Variants in GABRA4 observed in about 807,000 individuals in gnomAD.
The protein encoded by GABRA4 is gamma-aminobutyric acid receptor subunit alpha-4.
Under a neutral mutation model 49.7 loss-of-function variants are expected in GABRA4, and 12 were observed. That is an observed-to-expected ratio of 0.24 (90% CI 0.15 to 0.39). GABRA4 has a LOEUF of 0.39. Among genes scored for constraint, GABRA4 ranks in the 10% least tolerant of loss-of-function variants. The pLI, the probability that GABRA4 is intolerant of heterozygous loss-of-function variation, is 1.00. For synonymous variants in GABRA4, 288 were observed against 240.2 expected (o/e 1.20, Z -1.84); for missense variants, 506 against 686.0 (o/e 0.74, Z 2.93).
chr4:46,956,800 C>T (rs1398172), intron 8 of GABRA4, among the ~76,000 whole-genome samples: 79,168 of 151,842 alleles, frequency 0.52, 20,956 homozygotes, highest in East Asian at 0.7. Context: ...AAAAGTACCA[C>T]ATTTCCTATT....
chr4:46,956,097 A>G (rs1236157568), intron 8 of GABRA4, among the ~76,000 whole-genome samples: 3 of 152,170 alleles, frequency 2.0e-5, no homozygotes, highest in African/African-American at 4.8e-5. Context: ...CACTTAAAAC[A>G]TACAATTTAG....
chr4:46,925,602 CAAA>C lies in GABRA4; in HGVS notation c.*2620_*2622del. ...AGAGGGAAAAGTGACTGGCTCTTTG[CAAA>C]AGTGTTTTTACTTGATGTACCTCTG... is the stretch of plus-strand genomic sequence containing the variant. On this transcript the variant is annotated 3_prime_UTR_variant, in exon 9 of 9. Transcript: ENST00000264318. 6.6e-6 allele frequency: 1 copy of C among 151,366 alleles called. No homozygotes were observed. The highest frequency in any genetic ancestry group is 1.9e-4 in the East Asian group (1 of 5,166). 9.4% of individuals were successfully genotyped at this position (151,366 alleles called of 1,614,324 possible).
chr4:46,959,046 A>G lies in GABRA4; in HGVS notation c.1134+5924T>C, dbSNP rs181603839. Among the ~76,000 whole-genome samples the G allele has an allele frequency of 3.9e-5, 6 of 152,102 alleles. No individual in the cohort carries two copies. The East Asian group carries it at 1.2e-3, about 30-fold the overall frequency. On this transcript the variant is annotated intron_variant, in intron 8 of 8. Transcript: ENST00000264318. ...ATCTCTACTGAAATTCAAAACTTAT[A>G]ATTCTTAGAATAAATATTTCTTTCT...
chr4:46,935,113 C>T (rs918343365), intron 8 of GABRA4, among the ~76,000 whole-genome samples: 1 of 152,056 alleles, frequency 6.6e-6, no homozygotes, highest in Non-Finnish European at 1.5e-5. Flanking sequence ...TCAAACAAGC[C>T]CTATTTGCAG....
chr4:46,960,862 A>G (rs561876811), intron 8 of GABRA4, among the ~76,000 whole-genome samples: 4 of 151,800 alleles, frequency 2.6e-5, no homozygotes, highest in Admixed American at 2.6e-4. Flanking sequence ...GAATTCAAAT[A>G]CAATCATGAC....
chr4:46,974,179 A>G, intron 6 of GABRA4, 53 bp downstream of exon 6: 1 of 1,530,820 alleles, frequency 6.5e-7, no homozygotes, highest in East Asian at 2.3e-5. Flanking sequence ...TCAGGAGAAA[A>G]CTTTATTGCT....
intron 7 of GABRA4, among the ~76,000 whole-genome samples, chr4:46,966,236 A>G (rs544369200): frequency 1.1e-4 from 16 of 151,770 alleles, no homozygotes; most frequent in Non-Finnish European, 1.9e-4. Context: ...AACTGATTCT[A>G]TATAATGACT....
At chr4:46,957,526 C>T (rs1043055077) in intron 8 of GABRA4, among the ~76,000 whole-genome samples, 4 of 151,896 alleles carry the variant, frequency 2.6e-5, no homozygotes, top group African/African-American at 9.7e-5. Flanking sequence ...GAATTTTGCA[C>T]TTGAACTTTG....
intron 8 of GABRA4, among the ~76,000 whole-genome samples, chr4:46,963,580 T>G (rs1052098266): frequency 6.6e-6 from 1 of 151,800 alleles, no homozygotes; most frequent in Admixed American, 6.6e-5. Context: ...AGACTGTAAG[T>G]CCAAGTAAAC....
At chr4:46,939,379 G>A (rs928931539) in intron 8 of GABRA4, among the ~76,000 whole-genome samples, 9 of 151,930 alleles carry the variant, frequency 5.9e-5, no homozygotes, top group Non-Finnish European at 1.2e-4. Flanking sequence ...ATATGGGCCA[G>A]GCACTACCCA....
intron 8 of GABRA4, among the ~76,000 whole-genome samples, chr4:46,949,455 C>G (rs1169867019): frequency 3.9e-5 from 6 of 151,988 alleles, no homozygotes; most frequent in Admixed American, 3.9e-4. Context: ...CAAATGCTAA[C>G]CTGGGTAGGC....
At chr4:46,942,179 G>A (rs938256837) in intron 8 of GABRA4, among the ~76,000 whole-genome samples, 1 of 152,020 alleles carries the variant, frequency 6.6e-6, no homozygotes, top group African/African-American at 2.4e-5. Flanking sequence ...TACAAGTATA[G>A]AAAAACAGTA....
At chr4:46,929,483 TAA>T (rs1560460797) in intron 8 of GABRA4, among the ~76,000 whole-genome samples, 1 of 152,070 alleles carries the variant, frequency 6.6e-6, no homozygotes, top group African/African-American at 2.4e-5. Context: ...CATTAACCAA[TAA>T]AGAGTGATTA....
At chr4:46,987,422 A>G (rs1268857695) in intron 2 of GABRA4, among the ~76,000 whole-genome samples, 1 of 152,134 alleles carries the variant, frequency 6.6e-6, no homozygotes, top group Non-Finnish European at 1.5e-5. Flanking sequence ...GTTAACCAAC[A>G]TCTGGCACAC....
rs1721111692 is a variant in GABRA4, at chr4:46,923,625, A to G, written c.*4600T>C. ...GAAGGCAAAGTTTAAGACAGGAAAG[A>G]AAAAATAAGAGATCTCAACTGTTCC... On this transcript the variant is annotated 3_prime_UTR_variant, in exon 9 of 9. Coordinates refer to ENST00000264318, the MANE Select transcript of GABRA4 (RefSeq NM_000809.4). 1.3e-5 allele frequency: 2 copies of G among 152,162 alleles called. No homozygotes were observed. The highest frequency in any genetic ancestry group is 1.3e-4 in the Admixed American group (2 of 15,258). 9.4% of individuals were successfully genotyped at this position (152,162 alleles called of 1,614,324 possible).
intron 8 of GABRA4, among the ~76,000 whole-genome samples, chr4:46,932,177 T>G (rs1477647396): frequency 6.6e-6 from 1 of 152,078 alleles, no homozygotes; most frequent in Non-Finnish European, 1.5e-5. Flanking sequence ...TGTTGCCTAA[T>G]CCACACGCTA....
chr4:46,989,107 T>G (rs1723645087), intron 2 of GABRA4, among the ~76,000 whole-genome samples: 1 of 152,228 alleles, frequency 6.6e-6, no homozygotes, highest in South Asian at 2.1e-4. Flanking sequence ...TCAAAGGCAG[T>G]GATCTGTATT....
chr4:46,993,260 G>A (rs745319657), intron 1 of GABRA4, 79 bp downstream of exon 1: 23 of 1,203,896 alleles, frequency 1.9e-5, no homozygotes, highest in Non-Finnish European at 2.6e-5. Context: ...CCAGGGAGGA[G>A]CGAGTGGCCA....
intron 2 of GABRA4, among the ~76,000 whole-genome samples, chr4:46,992,029 T>C (rs930530519): frequency 6.6e-6 from 1 of 152,208 alleles, no homozygotes; most frequent in African/African-American, 2.4e-5. Flanking sequence ...TTTGTCCTCG[T>C]TGAACTGGAC....
Sources: gnomAD v4.1 joint callset for allele counts (sites outside exome capture counted in the v4.1 genomes callset) on GRCh38, gnomAD v4.1.1 for gene constraint, MANE v1.5 for transcripts, NCBI Gene and HGNC (gene_info 2026-07-23, HGNC 2026-07-21) for gene names.